Variants in RALGPS1 observed in about 807,000 individuals in gnomAD.
RALGPS1 encodes ras-specific guanine nucleotide-releasing factor RalGPS1.
A neutral mutation model predicts 78.8 loss-of-function variants in RALGPS1; 19 were observed. That is an observed-to-expected ratio of 0.24 (90% CI 0.17 to 0.35). The LOEUF is 0.35. Ranked by LOEUF, RALGPS1 falls within the 10% of genes least tolerant of loss-of-function variation. RALGPS1 has a pLI of 1.00. For synonymous variants in RALGPS1, 228 were observed against 256.3 expected (o/e 0.89, Z 1.06); for missense variants, 454 against 688.3 (o/e 0.66, Z 3.81).
At chr9:127,097,266 T>C (rs865785969) in intron 8 of RALGPS1, among the ~76,000 whole-genome samples, 1 of 152,272 alleles carries the variant, frequency 6.6e-6, no homozygotes, top group South Asian at 2.1e-4. Context: ...AAGAAGTTTT[T>C]CTTTTTTTAA....
intron 4 of RALGPS1, among the ~76,000 whole-genome samples, chr9:127,002,667 G>T (rs373025225): frequency 7.1e-6 from 1 of 139,890 alleles, no homozygotes; most frequent in Admixed American, 8.0e-5. Flanking sequence ...TCATTGTTCA[G>T]TTCCCACCTA....
chr9:127,071,232 G>A (rs1431954773), intron 8 of RALGPS1, among the ~76,000 whole-genome samples: 1 of 151,836 alleles, frequency 6.6e-6, no homozygotes, highest in Non-Finnish European at 1.5e-5. Flanking sequence ...CCAGAGGTTT[G>A]TCTATTGGTC....
At chr9:127,092,070 A>AT in intron 8 of RALGPS1, 5 of 1,092,536 alleles carry the variant, frequency 4.6e-6, no homozygotes, top group Non-Finnish European at 5.3e-6. Context: ...GACCTGGTTC[A>AT]GACCCCTACT....
intron 1 of RALGPS1, among the ~76,000 whole-genome samples, chr9:126,955,996 T>C (rs911142421): frequency 4.6e-5 from 7 of 152,236 alleles, no homozygotes; most frequent in Non-Finnish European, 1.0e-4. Flanking sequence ...CACAGGCTCT[T>C]TCTTCAGTTC....
chr9:126,952,910 G>A (rs909034499), intron 1 of RALGPS1, among the ~76,000 whole-genome samples: 2 of 152,250 alleles, frequency 1.3e-5, no homozygotes, highest in Admixed American at 1.3e-4. Flanking sequence ...GCGGAAGTGG[G>A]CTTGGAAATG....
chr9:127,162,064 A>C (rs1239467585), intron 8 of RALGPS1, among the ~76,000 whole-genome samples: 1 of 152,248 alleles, frequency 6.6e-6, no homozygotes, highest in Non-Finnish European at 1.5e-5. Flanking sequence ...CTTCAGCTAC[A>C]AAACGAGGGT....
chr9:127,094,506 G>T (rs1296662750), intron 8 of RALGPS1, among the ~76,000 whole-genome samples: 1 of 152,260 alleles, frequency 6.6e-6, no homozygotes, highest in Non-Finnish European at 1.5e-5. Flanking sequence ...GATGACTGCT[G>T]CAGCTTTTAC....
intron 4 of RALGPS1, 63 bp from the exon 5 acceptor site, chr9:127,034,368 T>C: frequency 7.0e-7 from 1 of 1,419,698 alleles, no homozygotes; most frequent in Non-Finnish European, 1.0e-6. Context: ...TCCCATTTAA[T>C]GCCCCTGGTG....
intron 1 of RALGPS1, among the ~76,000 whole-genome samples, chr9:126,940,329 C>G (rs141824105): frequency 6.6e-6 from 1 of 152,192 alleles, no homozygotes; most frequent in Non-Finnish European, 1.5e-5. Flanking sequence ...GTCCAAGCCA[C>G]GTAAATTCTG....
At chr9:127,000,534 C>CTTTTTTTTTTTT (rs1163116649) in intron 4 of RALGPS1, among the ~76,000 whole-genome samples, 1 of 33,338 alleles carries the variant, frequency 3.0e-5, no homozygotes, top group Non-Finnish European at 4.6e-5. Context: ...CTTGTCTTGT[C>CTTTTTTTTTTTT]TTTTTTTTTT....
intron 11 of RALGPS1, among the ~76,000 whole-genome samples, chr9:127,187,337 T>G (rs1022429961): frequency 3.9e-5 from 6 of 152,164 alleles, no homozygotes; most frequent in Non-Finnish European, 7.3e-5. Flanking sequence ...TTCCTCATGT[T>G]CTGACCAGCG....
chr9:127,117,951 G>A (rs1215351900), intron 8 of RALGPS1, among the ~76,000 whole-genome samples: 1 of 152,224 alleles, frequency 6.6e-6, no homozygotes, highest in East Asian at 1.9e-4. Context: ...GGCAGCAGGG[G>A]GTTGCTGAGG....
Position 127,062,507 on chromosome 9 carries a change from C to A in RALGPS1, c.484-6723C>A, listed in dbSNP as rs139180152. On this transcript the variant is annotated intron_variant, in intron 7 of 18. Transcript: ENST00000259351. ...TTAAGAGAGAACCAGTAAGATATTA[C>A]AACCGTATCAAAAGAGAAGCTAGAG... Among the ~76,000 whole-genome samples the A allele has an allele frequency of 4.8e-3, 737 of 152,280 alleles. 9 individuals carry two copies. The highest frequency in any genetic ancestry group is 0.017 in the African/African-American group (705 of 41,548).
chr9:127,001,567 G>A (rs1249686113), intron 4 of RALGPS1, among the ~76,000 whole-genome samples: 1 of 151,960 alleles, frequency 6.6e-6, no homozygotes, highest in African/African-American at 2.4e-5. Flanking sequence ...TTGCAGTATT[G>A]TTGTCATACA....
intron 8 of RALGPS1, among the ~76,000 whole-genome samples, chr9:127,112,781 G>A (rs1277689869): frequency 6.6e-6 from 1 of 152,260 alleles, no homozygotes; most frequent in Non-Finnish European, 1.5e-5. Context: ...ACCAACAACA[G>A]TGAGGATGCT....
intron 1 of RALGPS1, among the ~76,000 whole-genome samples, chr9:126,919,207 A>G (rs1343851974): frequency 6.6e-6 from 1 of 152,208 alleles, no homozygotes; most frequent in Admixed American, 6.5e-5. Context: ...GTCAGTTAGT[A>G]TATACAGTTC....
At position 127,087,966 on chromosome 9, in the gene RALGPS1, G is replaced by A. The variant is rs533620477; in HGVS notation, c.610+18610G>A. ...CTGCGAGTACATTATCTATACGGCCGGTGGAGCTTTTGGCCTGGCCTTCCC... is the reference window on the plus strand; with the variant it reads ...CTGCGAGTACATTATCTATACGGCCAGTGGAGCTTTTGGCCTGGCCTTCCC... On this transcript the variant is annotated intron_variant, in intron 8 of 18. Transcript: ENST00000259351. The A allele has an allele frequency of 1.2e-4, 19 of 152,724 alleles. 1 individual carries two copies. Among genetic ancestry groups the A allele is most frequent in the Admixed American group, 9.8e-4 (15 of 15,292 alleles). The allele number at this position is 152,724 out of a possible 1,614,324, so 9.5% of individuals were successfully genotyped here.
intron 8 of RALGPS1, among the ~76,000 whole-genome samples, chr9:127,150,850 C>A (rs113412247): frequency 1.3e-5 from 2 of 152,150 alleles, no homozygotes; most frequent in African/African-American, 4.8e-5. Context: ...TCACAGACCA[C>A]TGATGAGGGA....
rs140538731 is a variant in RALGPS1, at chr9:127,202,820, A to T, written c.1247+3754A>T. Among the ~76,000 whole-genome samples, 771 of 152,072 alleles carry T rather than the reference A, an allele frequency of 5.1e-3. 8 individuals are homozygous for T. Among genetic ancestry groups the T allele is most frequent in the African/African-American group, 0.018 (735 of 41,462 alleles). On this transcript the variant is annotated intron_variant, in intron 14 of 18. Transcript: ENST00000259351. ...GTGTCCCTGGTCAGCAGTCTTCCTC[A>T]CCTCATGCCGGGGAGAGTAGGGGCG...
Sources: gnomAD v4.1 joint callset for allele counts (sites outside exome capture counted in the v4.1 genomes callset) on GRCh38, gnomAD v4.1.1 for gene constraint, MANE v1.5 for transcripts, NCBI Gene and HGNC (gene_info 2026-07-23, HGNC 2026-07-21) for gene names.